HHAT: variants seen among roughly 807,000 people sequenced by gnomAD.
HHAT encodes the protein hedgehog acyltransferase.
A neutral mutation model predicts 70.8 loss-of-function variants in HHAT; 47 were observed. The ratio of observed to expected loss-of-function variants is 0.66; its 90% CI spans 0.53 to 0.85. The LOEUF (loss-of-function observed/expected upper bound fraction) is 0.85, where lower values mean the gene tolerates loss of function less well. HHAT is among the 40% of genes least tolerant of loss of function. The pLI, the probability that HHAT is intolerant of heterozygous loss-of-function variation, is 0.00. For synonymous variants in HHAT, 228 were observed against 247.6 expected, an observed-to-expected ratio of 0.92 and a Z score of 0.74; for missense variants, 609 against 604.8, an observed-to-expected ratio of 1.01 and a Z score of -0.07.
chr1:210,447,539 G>A (rs544276184), intron 7 of HHAT, among the ~76,000 whole-genome samples: 1 of 152,318 alleles, frequency 6.6e-6, no homozygotes, highest in African/African-American at 2.4e-5. Flanking sequence ...ATTAGACAAG[G>A]AAACATCCAA....
rs570033522 is a variant in HHAT at position 210,529,664 on chromosome 1, G to A, written c.1043+16476G>A. Among the ~76,000 whole-genome samples, 397 of 152,276 alleles carry A rather than the reference G, an allele frequency of 2.6e-3. 1 individual carries two copies. Among genetic ancestry groups the A allele is most frequent in the African/African-American group, 9.0e-3 (375 of 41,558 alleles). On this transcript the variant is annotated intron_variant, in intron 9 of 11. Transcript: ENST00000261458. ...ACTGGGATTCAGAAGAGCATCGTGGGAATGACAGGGCCTCCCACAGAACTG... is the reference window on the plus strand; with the variant it reads ...ACTGGGATTCAGAAGAGCATCGTGGAAATGACAGGGCCTCCCACAGAACTG...
At chr1:210,600,287 A>G (rs1369468513) in intron 10 of HHAT, among the ~76,000 whole-genome samples, 1 of 152,232 alleles carries the variant, frequency 6.6e-6, no homozygotes, top group African/African-American at 2.4e-5. Context: ...AAAAGAAAGA[A>G]TGAATGATAT....
chr1:210,474,873 CA>C (rs1441851533), intron 8 of HHAT, among the ~76,000 whole-genome samples: 2 of 149,464 alleles, frequency 1.3e-5, no homozygotes, highest in African/African-American at 2.5e-5. Flanking sequence ...GTTTTTGAGA[CA>C]GGGTCTTGCT....
At chr1:210,640,346 A>G (rs1437702702) in intron 11 of HHAT, among the ~76,000 whole-genome samples, 2 of 152,286 alleles carry the variant, frequency 1.3e-5, no homozygotes, top group African/African-American at 4.8e-5. Context: ...GCTTAATAAG[A>G]AAACTTTTTG....
At chr1:210,594,401 T>C (rs1241372059) in intron 10 of HHAT, among the ~76,000 whole-genome samples, 1 of 152,206 alleles carries the variant, frequency 6.6e-6, no homozygotes, top group Non-Finnish European at 1.5e-5. Flanking sequence ...TAACACTAAT[T>C]GCATAAACAA....
chr1:210,478,587 G>A (rs79023691), intron 8 of HHAT, among the ~76,000 whole-genome samples: 2,038 of 152,282 alleles, frequency 0.013, 53 homozygotes, highest in African/African-American at 0.047. Context: ...GAGAGGGAAG[G>A]ATGTTAGGTG....
chr1:210,438,287 AG>A (rs781123095), intron 7 of HHAT, among the ~76,000 whole-genome samples: 1 of 151,826 alleles, frequency 6.6e-6, no homozygotes, highest in Non-Finnish European at 1.5e-5. Context: ...TGGACCACTC[AG>A]GTAACATGGT....
chr1:210,392,198 A>G (rs1296409867), intron 4 of HHAT, among the ~76,000 whole-genome samples: 1 of 152,068 alleles, frequency 6.6e-6, no homozygotes, highest in Non-Finnish European at 1.5e-5. Flanking sequence ...AACTGAACAC[A>G]TGGAAGAATG....
intron 9 of HHAT, among the ~76,000 whole-genome samples, chr1:210,536,516 T>C (rs1043801113): frequency 6.6e-5 from 10 of 152,202 alleles, no homozygotes; most frequent in African/African-American, 2.4e-4. Context: ...CCTCTGCCTG[T>C]TAGTGATTGT....
At chr1:210,559,521 G>A (rs1464227033) in intron 9 of HHAT, among the ~76,000 whole-genome samples, 5 of 152,228 alleles carry the variant, frequency 3.3e-5, no homozygotes, top group Non-Finnish European at 7.3e-5. Context: ...ACTTTGCAGA[G>A]TTGCTCTGAT....
At chr1:210,331,472 C>T (rs978603699) in intron 1 of HHAT, among the ~76,000 whole-genome samples, 1 of 152,212 alleles carries the variant, frequency 6.6e-6, no homozygotes, top group Admixed American at 6.5e-5. Context: ...CTTAAACATA[C>T]TTCTAGGGCC....
At chr1:210,647,056 A>G (rs1325171639) in intron 11 of HHAT, among the ~76,000 whole-genome samples, 1 of 152,194 alleles carries the variant, frequency 6.6e-6, no homozygotes, top group Non-Finnish European at 1.5e-5. Context: ...AGTTTAGGTA[A>G]CAGAAATTTA....
intron 2 of HHAT, 131 bp downstream of exon 2, chr1:210,349,197 T>G (rs1558327323): frequency 1.0e-6 from 1 of 952,630 alleles, no homozygotes; most frequent in East Asian, 2.6e-5. Flanking sequence ...TGCTTCCCCA[T>G]GTCTTGGATA....
intron 2 of HHAT, among the ~76,000 whole-genome samples, chr1:210,361,410 A>ACC (rs928886062): frequency 2.8e-4 from 43 of 152,170 alleles, no homozygotes; most frequent in African/African-American, 9.7e-4. Flanking sequence ...CCTCCATGGC[A>ACC]CACCCAGATC....
chr1:210,513,569 T>C (rs139073819), intron 9 of HHAT, among the ~76,000 whole-genome samples: 7 of 152,344 alleles, frequency 4.6e-5, no homozygotes, highest in South Asian at 2.1e-4. Flanking sequence ...TTCCAGTTGC[T>C]TTATAGTTGT....
intron 8 of HHAT, among the ~76,000 whole-genome samples, chr1:210,508,271 T>C (rs553017289): frequency 6.6e-6 from 1 of 150,644 alleles, no homozygotes; most frequent in East Asian, 2.0e-4. Flanking sequence ...TTTGTCACTA[T>C]GTAATAATAA....
chr1:210,387,835 G>A (rs1323795131), intron 4 of HHAT, among the ~76,000 whole-genome samples: 1 of 152,128 alleles, frequency 6.6e-6, no homozygotes, highest in Non-Finnish European at 1.5e-5. Context: ...GGGTGGTGGT[G>A]GTCTTTAAGA....
chr1:210,328,976 G>A lies in HHAT; in HGVS notation c.-172G>A. On this transcript the variant is annotated 5_prime_UTR_variant, in exon 1 of 12. Coordinates refer to ENST00000261458, the MANE Select transcript of HHAT (RefSeq NM_018194.6). The stretch of plus-strand genomic sequence containing the variant: ...CCAAAGGGCAGCTCCGGGGGAAAGA[G>A]GGTGGCGTCCCGGGGAAGCCCGCAG... 7.5e-7 allele frequency: 1 copy of A among 1,325,022 alleles called. No individual in the cohort carries two copies. 82.1% of individuals were successfully genotyped at this position (1,325,022 alleles called of 1,614,324 possible).
chr1:210,619,206 G>T (rs1440737469), intron 10 of HHAT, among the ~76,000 whole-genome samples: 1 of 152,094 alleles, frequency 6.6e-6, no homozygotes, highest in Admixed American at 6.5e-5. Flanking sequence ...CCCCTGTCAT[G>T]TACCGTAGAG....
Sources: allele counts gnomAD v4.1 joint callset (sites outside exome capture counted in the v4.1 genomes callset), GRCh38; gene constraint gnomAD v4.1.1; transcripts MANE v1.5; gene names NCBI Gene and HGNC (gene_info 2026-07-23, HGNC 2026-07-21).